The following PCDH9 variants were observed in gnomAD, a reference collection of about 807,000 sequenced individuals.
PCDH9 encodes the protein protocadherin-9.
In PCDH9, 24 loss-of-function variants were observed where a neutral mutation model predicts 70.6. That is an observed-to-expected ratio of 0.34 (90% CI 0.25 to 0.48). PCDH9 has a LOEUF of 0.48. Among genes scored for constraint, PCDH9 ranks in the 20% least tolerant of loss-of-function variants. PCDH9 has a pLI of 0.99. For synonymous variants in PCDH9, 562 were observed against 558.5 expected, an observed-to-expected ratio of 1.01 and a Z score of -0.09; for missense variants, 1,281 against 1,503.6, an observed-to-expected ratio of 0.85 and a Z score of 2.45.
At chr13:66,942,772 G>C (rs1193414756) in intron 2 of PCDH9, among the ~76,000 whole-genome samples, 1 of 152,062 alleles carries the variant, frequency 6.6e-6, no homozygotes, top group Non-Finnish European at 1.5e-5. Flanking sequence ...ATCTAGTAAA[G>C]ATCTATTATG....
intron 3 of PCDH9, among the ~76,000 whole-genome samples, chr13:66,811,757 T>C (rs61959200): frequency 0.55 from 54,454 of 98,184 alleles, 11,345 homozygotes; most frequent in Middle Eastern, 0.62. Flanking sequence ...TCCTTTCTTT[T>C]TCTTTCTCTC....
intron 3 of PCDH9, among the ~76,000 whole-genome samples, chr13:66,762,334 A>G (rs922422357): frequency 6.6e-6 from 1 of 152,042 alleles, no homozygotes; most frequent in African/African-American, 2.4e-5. Context: ...TAGCACTGAG[A>G]CAGGCCAGGA....
chr13:66,500,393 A>T (rs554877981), intron 4 of PCDH9, among the ~76,000 whole-genome samples: 2 of 152,300 alleles, frequency 1.3e-5, no homozygotes, highest in East Asian at 3.9e-4. Flanking sequence ...TTTTGACAAC[A>T]TGGATGAACC....
intron 2 of PCDH9, among the ~76,000 whole-genome samples, chr13:67,148,353 A>T (rs1328750560): frequency 2.0e-5 from 3 of 152,040 alleles, no homozygotes; most frequent in African/African-American, 7.2e-5. Flanking sequence ...GGGACCAATT[A>T]TAGGAATACT....
At chr13:66,623,135 C>G (rs1193790639) in intron 4 of PCDH9, among the ~76,000 whole-genome samples, 1 of 152,236 alleles carries the variant, frequency 6.6e-6, no homozygotes, top group African/African-American at 2.4e-5. Context: ...TAACACTCAC[C>G]GCGAGGGTCC....
At chr13:66,800,966 T>G (rs551028952) in intron 3 of PCDH9, among the ~76,000 whole-genome samples, 1 of 151,816 alleles carries the variant, frequency 6.6e-6, no homozygotes, top group Non-Finnish European at 1.5e-5. Context: ...ACTATTGTTA[T>G]TTAGTTCAGC....
intron 2 of PCDH9, among the ~76,000 whole-genome samples, chr13:66,940,171 T>G (rs955869413): frequency 6.6e-6 from 1 of 152,198 alleles, no homozygotes; most frequent in Non-Finnish European, 1.5e-5. Context: ...AATTTTCTTT[T>G]CATTCCAGTC....
At chr13:66,748,327 C>T (rs1396409769) in intron 3 of PCDH9, among the ~76,000 whole-genome samples, 1 of 152,046 alleles carries the variant, frequency 6.6e-6, no homozygotes, top group Non-Finnish European at 1.5e-5. Context: ...TGTACCTTTG[C>T]TGTTTTATGC....
At chr13:66,351,385 G>T (rs1317598728) in intron 4 of PCDH9, among the ~76,000 whole-genome samples, 1 of 152,078 alleles carries the variant, frequency 6.6e-6, no homozygotes, top group Non-Finnish European at 1.5e-5. Flanking sequence ...TCCAGTCATG[G>T]GGTTACTTCT....
At chr13:66,892,600 A>C (rs1421226917) in intron 3 of PCDH9, among the ~76,000 whole-genome samples, 1 of 152,002 alleles carries the variant, frequency 6.6e-6, no homozygotes, top group Non-Finnish European at 1.5e-5. Context: ...GAATGGAAAA[A>C]AGTAAGATAT....
At chr13:66,443,031 A>C (rs574948221) in intron 4 of PCDH9, among the ~76,000 whole-genome samples, 1 of 152,240 alleles carries the variant, frequency 6.6e-6, no homozygotes, top group South Asian at 2.1e-4. Context: ...ACAAGTGCCA[A>C]TTGAAGCCTG....
rs79642847 is a variant in PCDH9, at chr13:66,634,291, C to T, written c.3139-2880G>A. 4.2e-3 allele frequency among the ~76,000 whole-genome samples: 641 copies of T among 152,194 alleles called. 19 individuals are homozygous for T. In the East Asian group the frequency reaches 0.081, roughly 19 times the overall value. On this transcript the variant is annotated intron_variant, in intron 3 of 4. Transcript: ENST00000377865. Reference sequence around the variant, plus strand: ...ATTAAGAATCAGTACATGGATATTACGGTATGAAGCAAATTGATGAAACAA... The same window carrying T: ...ATTAAGAATCAGTACATGGATATTATGGTATGAAGCAAATTGATGAAACAA...
At chr13:66,906,799 C>G (rs1028919416) in intron 2 of PCDH9, among the ~76,000 whole-genome samples, 1 of 151,688 alleles carries the variant, frequency 6.6e-6, no homozygotes, top group Non-Finnish European at 1.5e-5. Context: ...ATTATAAATA[C>G]CCAAACTTTT....
intron 4 of PCDH9, among the ~76,000 whole-genome samples, chr13:66,400,806 C>A (rs1957171344): frequency 1.3e-5 from 2 of 152,096 alleles, no homozygotes; most frequent in Admixed American, 1.3e-4. Context: ...AACTGTTCAA[C>A]TTGATAGTGT....
chr13:66,718,465 C>T (rs1193767886), intron 3 of PCDH9, among the ~76,000 whole-genome samples: 1 of 151,996 alleles, frequency 6.6e-6, no homozygotes, highest in African/African-American at 2.4e-5. Context: ...ATTTCATAAT[C>T]CACTATGCCA....
chr13:66,965,830 A>C (rs2083425583), intron 2 of PCDH9, among the ~76,000 whole-genome samples: 1 of 151,994 alleles, frequency 6.6e-6, no homozygotes, highest in South Asian at 2.1e-4. Flanking sequence ...ATTGAACATA[A>C]GACAAAATAT....
intron 2 of PCDH9, among the ~76,000 whole-genome samples, chr13:67,152,647 T>C (rs1018970155): frequency 1.3e-5 from 2 of 152,174 alleles, no homozygotes; most frequent in Admixed American, 6.5e-5. Flanking sequence ...AAAGGCGTGA[T>C]GTCTCATCCT....
intron 4 of PCDH9, among the ~76,000 whole-genome samples, chr13:66,477,034 C>T (rs540454710): frequency 6.6e-6 from 1 of 151,980 alleles, no homozygotes; most frequent in African/African-American, 2.4e-5. Flanking sequence ...AGTAATTTTA[C>T]TTAAACAATT....
At chr13:66,528,142 C>T (rs959300892) in intron 4 of PCDH9, among the ~76,000 whole-genome samples, 3 of 152,152 alleles carry the variant, frequency 2.0e-5, no homozygotes, top group Admixed American at 2.0e-4. Flanking sequence ...CACCAACTCT[C>T]AGTTGACTAG....
Sources: gnomAD v4.1 joint callset for allele counts (sites outside exome capture counted in the v4.1 genomes callset) on GRCh38, gnomAD v4.1.1 for gene constraint, MANE v1.5 for transcripts, NCBI Gene and HGNC (gene_info 2026-07-23, HGNC 2026-07-21) for gene names.